Variants in ILDR2 observed in about 807,000 individuals in gnomAD.
ILDR2 encodes the protein immunoglobulin-like domain-containing receptor 2.
Under a neutral mutation model 66.8 loss-of-function variants are expected in ILDR2, and 25 were observed. The ratio of observed to expected loss-of-function variants is 0.37; its 90% CI spans 0.27 to 0.52. The LOEUF (loss-of-function observed/expected upper bound fraction) is 0.52, where lower values mean the gene tolerates loss of function less well. Ranked by LOEUF, ILDR2 falls within the 20% of genes least tolerant of loss-of-function variation. ILDR2 has a pLI of 0.88. For synonymous variants in ILDR2, 367 were observed against 357.2 expected, an observed-to-expected ratio of 1.03 and a Z score of -0.31; for missense variants, 827 against 876.8, an observed-to-expected ratio of 0.94 and a Z score of 0.72.
intron 9 of ILDR2, 23 bp from the exon 10 acceptor site, chr1:166,919,413 C>G: frequency 6.3e-7 from 1 of 1,597,218 alleles, no homozygotes; most frequent in Non-Finnish European, 8.6e-7. Flanking sequence ...AGAAAGAGCC[C>G]AACATTAAGC....
At chr1:166,901,938 GC>G (rs1281113848) in intron 2 of ILDR2, among the ~76,000 whole-genome samples, 1 of 152,214 alleles carries the variant, frequency 6.6e-6, no homozygotes. Context: ...TCGGCTCACT[GC>G]AACCTCCGCC....
Position 166,921,602 on chromosome 1 carries a change from G to T in ILDR2, c.1212-223C>A, listed in dbSNP as rs186840072. On this transcript the variant is annotated intron_variant, in intron 8 of 9. Transcript: ENST00000271417. The surrounding 1 kb of genome is among the most constrained non-coding windows in gnomAD (Gnocchi z 5.3). ...CCACTCGTGTGCCACGCATCAAAAT[G>T]GGGTTGTGTGGATAGAACATATTCT... Among the ~76,000 whole-genome samples, 11 of 152,346 alleles carry T rather than the reference G, an allele frequency of 7.2e-5. 1 individual carries two copies. Among genetic ancestry groups the T allele is most frequent in the Admixed American group, 7.2e-4 (11 of 15,306 alleles).
chr1:166,918,311 G>A lies in ILDR2; in HGVS notation c.*1044C>T, dbSNP rs1180629964. ...AACTGGGATGGCAGAAACAATTAACGGCAAGTGAAGCACAAAACCGGAAAA... is the reference window on the plus strand; with the variant it reads ...AACTGGGATGGCAGAAACAATTAACAGCAAGTGAAGCACAAAACCGGAAAA... On this transcript the variant is annotated 3_prime_UTR_variant, in exon 10 of 10. Coordinates refer to ENST00000271417, the MANE Select transcript of ILDR2 (RefSeq NM_199351.3). The A allele has an allele frequency of 6.6e-6, 1 of 152,140 alleles. No individual in the cohort carries two copies. 9.4% of individuals were successfully genotyped at this position (152,140 alleles called of 1,614,324 possible).
chr1:166,909,759 A>ATATATC lies in ILDR2; in HGVS notation c.*9595_*9596insGATATA, dbSNP rs1557921277. 1.3e-5 allele frequency: 1 copy of ATATATC among 75,442 alleles called. No homozygotes were observed. Among genetic ancestry groups the ATATATC allele is most frequent in the Non-Finnish European group, 2.3e-5 (1 of 43,750 alleles). The allele number at this position is 75,442 out of a possible 1,614,324, so 4.7% of individuals were successfully genotyped here. A position where few individuals can be genotyped will look rare whatever the true frequency, so the allele number is the denominator to read the frequency against. ...TACATATATATATATATATATATATAAATATATATAAATATATATATTTAT... is the reference window on the plus strand; with the variant it reads ...TACATATATATATATATATATATATATATATCAATATATATAAATATATATATTTAT... On this transcript the variant is annotated 3_prime_UTR_variant, in exon 10 of 10. Coordinates refer to ENST00000271417, the MANE Select transcript of ILDR2 (RefSeq NM_199351.3).
At chr1:166,974,408 G>A (rs1433950796) in intron 1 of ILDR2, among the ~76,000 whole-genome samples, 1 of 152,184 alleles carries the variant, frequency 6.6e-6, no homozygotes, top group African/African-American at 2.4e-5. Context: ...TTAAGAACAA[G>A]AGCATCTACT....
chr1:166,926,064 T>C (rs1161493314), intron 7 of ILDR2, among the ~76,000 whole-genome samples: 1 of 152,224 alleles, frequency 6.6e-6, no homozygotes, highest in African/African-American at 2.4e-5. Flanking sequence ...CAGCAATGGA[T>C]ACAACGCAGA....
chr1:166,907,364 G>A (rs919404450), downstream of ILDR2, among the ~76,000 whole-genome samples: 2 of 152,234 alleles, frequency 1.3e-5, no homozygotes, highest in Non-Finnish European at 1.5e-5. Context: ...ATGGCCTACT[G>A]TGACTGACTT....
chr1:166,919,593 C>T (rs1266473390), intron 9 of ILDR2, among the ~76,000 whole-genome samples: 1 of 152,178 alleles, frequency 6.6e-6, no homozygotes, highest in Non-Finnish European at 1.5e-5. Context: ...AGGCTTAGTT[C>T]CATGGTCACA....
chr1:166,919,975 G>A (rs940249293), intron 9 of ILDR2, among the ~76,000 whole-genome samples: 5 of 152,106 alleles, frequency 3.3e-5, no homozygotes, highest in Admixed American at 6.5e-5. Context: ...ACCCCACAGC[G>A]GACATTTGTG....
At chr1:166,949,344 C>A (rs1571171880) in intron 3 of ILDR2, among the ~76,000 whole-genome samples, 1 of 152,362 alleles carries the variant, frequency 6.6e-6, no homozygotes, top group Middle Eastern at 3.4e-3. Context: ...GCTTTAATAT[C>A]TTCTTGTATT....
intron 3 of ILDR2, chr1:166,943,744 A>G (rs922672982): frequency 4.9e-6 from 4 of 819,252 alleles, no homozygotes; most frequent in African/African-American, 3.7e-5. Context: ...ATTGCAGTAA[A>G]TACATTCCAG....
chr1:166,902,935 A>G (rs562216927), intron 2 of ILDR2, among the ~76,000 whole-genome samples: 1 of 152,316 alleles, frequency 6.6e-6, no homozygotes, highest in Admixed American at 6.5e-5. Flanking sequence ...CCAAAATTGA[A>G]TAAATCAACA....
At chr1:166,930,224 C>T (rs1316561494) in intron 6 of ILDR2, among the ~76,000 whole-genome samples, 1 of 152,126 alleles carries the variant, frequency 6.6e-6, no homozygotes, top group Non-Finnish European at 1.5e-5. Flanking sequence ...CATTATGATA[C>T]AGATTTGATT....
Position 166,935,382 on chromosome 1 carries a change from C to A in ILDR2, c.799G>T (p.Ala267Ser). 2 of 1,614,002 alleles carry A rather than the reference C, an allele frequency of 1.2e-6. No homozygotes were observed. Among genetic ancestry groups the A allele is most frequent in the South Asian group, 2.2e-5 (2 of 91,062 alleles). ...YSIPSVPLGG[A>S]PSSGMLMDKP... Reference sequence around the variant, plus strand: ...TCCATCAGCATGCCAGATGAGGGGGCTCCTCCCAAAGGGACAGAGGGGATG... The same window carrying A: ...TCCATCAGCATGCCAGATGAGGGGGATCCTCCCAAAGGGACAGAGGGGATG... Residue 267 changes from alanine (A) to serine (S), a missense_variant, in exon 6 of 10, where the codon GCC (alanine) becomes TCC (serine). By Grantham distance (99) the Ala-to-Ser change is moderately conservative. This residue lies in a region of ILDR2 where 437 missense variants were observed against 523.2 expected (regional missense o/e 0.84). Transcript: ENST00000271417.
In ILDR2 at chr1:166,920,917, G is replaced by T. The variant is rs1422071582; in HGVS notation, c.1674C>A (p.Leu558=). The T allele has an allele frequency of 2.0e-6, 3 of 1,476,712 alleles. No individual in the cohort carries two copies. In the East Asian group the frequency reaches 8.6e-5, roughly 42 times the overall value. 91.5% of individuals were successfully genotyped at this position (1,476,712 alleles called of 1,614,324 possible). A position where few individuals can be genotyped will look rare whatever the true frequency, so the allele number is the denominator to read the frequency against. ...CGTAGTAGGAGGCGCTGCGCGGGCC[G>T]AGCTGCGCGCTCCGCTTGGATGGCG... ...LETPSKRSAQ[L]GPRSASYYAW... The change falls in exon 9 of 10, where the codon CTC becomes CTA. Residue 558 remains leucine, a synonymous_variant. Coordinates refer to ENST00000271417, the MANE Select transcript of ILDR2 (RefSeq NM_199351.3).
rs1426679425 is a variant in ILDR2 at position 166,920,774 on chromosome 1, C to A, written c.1817G>T (p.Arg606Leu). ...GCTGTGGTAGGGCAGGTCGCGGCCG[C>A]GGTAGGACGGGCCGCGGGTCAGCTC... ...ELELTRGPSY[R>L]GRDLPYHSNS... The change falls in exon 9 of 10, where the codon CGC (arginine) becomes CTC (leucine). Residue 606 changes from arginine to leucine, a missense_variant. Coordinates refer to ENST00000271417, the MANE Select transcript of ILDR2 (RefSeq NM_199351.3). 1.3e-6 allele frequency: 2 copies of A among 1,513,952 alleles called. No homozygotes were observed. Among genetic ancestry groups the A allele is most frequent in the East Asian group, 2.7e-5 (1 of 37,094 alleles). 93.8% of individuals were successfully genotyped at this position (1,513,952 alleles called of 1,614,324 possible). A position where few individuals can be genotyped will look rare whatever the true frequency, so the allele number is the denominator to read the frequency against.
At chr1:166,903,472 C>T (rs566708348), downstream of ILDR2, among the ~76,000 whole-genome samples, 13 of 152,298 alleles carry the variant, frequency 8.5e-5, no homozygotes, top group African/African-American at 2.9e-4. Flanking sequence ...GGGTGTTGCA[C>T]GTATCTCTTC....
At chr1:166,920,599 A>AC in intron 9 of ILDR2, 108 bp downstream of exon 9, 1 of 1,234,040 alleles carries the variant, frequency 8.1e-7, no homozygotes, top group East Asian at 3.2e-5. Flanking sequence ...TCCGGCAAGG[A>AC]CCCTCCCGCC....
chr1:166,929,199 CT>C (rs992043862), intron 6 of ILDR2, among the ~76,000 whole-genome samples: 7 of 152,176 alleles, frequency 4.6e-5, no homozygotes, highest in Non-Finnish European at 1.0e-4. Context: ...ACTTGCCAAC[CT>C]TTAAATAATC....
Sources: gnomAD v4.1 joint callset for allele counts (sites outside exome capture counted in the v4.1 genomes callset) on GRCh38, gnomAD v4.1.1 for gene constraint, gnomAD v4.1.1 regional missense constraint, Gnocchi (gnomAD v3.1) non-coding constraint, MANE v1.5 for transcripts, NCBI Gene and HGNC (gene_info 2026-07-23, HGNC 2026-07-21) for gene names.